PDE1B: variants seen among roughly 807,000 people sequenced by gnomAD.
PDE1B encodes phosphodiesterase 1B.
PDE1B carries 13 observed loss-of-function variants against 66.7 expected under a neutral mutation model. That is an observed-to-expected ratio of 0.19 (90% CI 0.13 to 0.31). PDE1B has a LOEUF of 0.31. Ranked by LOEUF, PDE1B falls within the 10% of genes least tolerant of loss-of-function variation. The pLI is 1.00. For synonymous variants in PDE1B, 230 were observed against 253.9 expected (o/e 0.91, Z 0.90); for missense variants, 485 against 682.3 (o/e 0.71, Z 3.22).
In PDE1B at chr12:54,569,536, T is replaced by C. The variant is rs1196000490; in HGVS notation, c.411-10T>C. 2 of 1,612,012 alleles carry C rather than the reference T, an allele frequency of 1.2e-6. No individual in the cohort carries two copies. The highest frequency in any genetic ancestry group is 8.5e-7 in the Non-Finnish European group (1 of 1,178,164). ...TCATATGTGGGCTTCTTCTCATTGT[T>C]CTCTCTCAGGATGTTCCGGAGAACA... On this transcript the variant is annotated splice_polypyrimidine_tract_variant and intron_variant, in intron 4 of 15. Transcript: ENST00000243052. The surrounding 1 kb of genome is among the most constrained non-coding windows in gnomAD (Gnocchi z 4.4).
intron 6 of PDE1B, chr12:54,570,625 C>T: frequency 2.4e-6 from 1 of 421,492 alleles, no homozygotes; most frequent in Non-Finnish European, 4.4e-6. Context: ...CTTTTTTCCC[C>T]CAACTTGTCC....
intron 6 of PDE1B, chr12:54,572,348 T>C: frequency 3.7e-6 from 2 of 546,372 alleles, no homozygotes; most frequent in Non-Finnish European, 6.6e-6. Context: ...CTTATCTCAT[T>C]AATTTCCAGG....
At chr12:54,550,578 A>G (rs997550074) in intron 2 of PDE1B, among the ~76,000 whole-genome samples, 2 of 149,562 alleles carry the variant, frequency 1.3e-5, no homozygotes, top group African/African-American at 4.9e-5. Context: ...CACTCTATGT[A>G]TTAATGATGA....
chr12:54,565,851 A>C (rs972279857), intron 2 of PDE1B, among the ~76,000 whole-genome samples: 6 of 152,110 alleles, frequency 3.9e-5, no homozygotes, highest in Non-Finnish European at 5.9e-5. Flanking sequence ...CTCCCCCGGC[A>C]TCCCTGGGAA....
In PDE1B at chr12:54,549,863, G is replaced by T. The variant is rs759139335; in HGVS notation, c.-10G>T. On this transcript the variant is annotated 5_prime_UTR_variant, in exon 2 of 16. Coordinates refer to ENST00000243052, the MANE Select transcript of PDE1B (RefSeq NM_000924.4). ...GTCTCCTCCTTCTGTTCCGTAGACCGTGGCTGAGCATGGAGCTGTCCCCCC... is the reference window on the plus strand; with the variant it reads ...GTCTCCTCCTTCTGTTCCGTAGACCTTGGCTGAGCATGGAGCTGTCCCCCC... 1 of 1,606,182 alleles carries T rather than the reference G, an allele frequency of 6.2e-7. No individual in the cohort carries two copies. The highest frequency in any genetic ancestry group is 1.3e-5 in the African/African-American group (1 of 74,722).
intron 15 of PDE1B, 144 bp from the exon 16 acceptor site, chr12:54,577,716 C>T (rs1957788109): frequency 1.7e-6 from 1 of 579,152 alleles, no homozygotes; most frequent in Non-Finnish European, 2.8e-6. Context: ...CCCCTATTCA[C>T]CCCCTTGGCT....
chr12:54,556,861 C>A (rs1286490599), intron 2 of PDE1B, among the ~76,000 whole-genome samples: 2 of 80,774 alleles, frequency 2.5e-5, no homozygotes, highest in Non-Finnish European at 4.7e-5. Context: ...GGGAACTTGG[C>A]TGGTGGGGGG....
At chr12:54,554,201 C>A (rs1428991117) in intron 2 of PDE1B, 1 of 152,094 alleles carries the variant, frequency 6.6e-6, no homozygotes, top group African/African-American at 2.4e-5. Flanking sequence ...CTGGCTTTTG[C>A]CCTCTTTTTG....
chr12:54,556,113 A>G (rs1250824840), intron 2 of PDE1B, among the ~76,000 whole-genome samples: 1 of 152,092 alleles, frequency 6.6e-6, no homozygotes, highest in African/African-American at 2.4e-5. Flanking sequence ...TTGCCTTTGA[A>G]TCTCAAGGGG....
intron 2 of PDE1B, among the ~76,000 whole-genome samples, chr12:54,563,527 T>C (rs1368506545): frequency 1.3e-5 from 2 of 152,194 alleles, no homozygotes; most frequent in Non-Finnish European, 2.9e-5. Context: ...GCTTCCTAAT[T>C]ACCAGCCTCA....
chr12:54,556,349 G>A (rs1957341766), intron 2 of PDE1B, among the ~76,000 whole-genome samples: 1 of 152,108 alleles, frequency 6.6e-6, no homozygotes, highest in Non-Finnish European at 1.5e-5. Context: ...GGCATAGATG[G>A]GAATTGAGCA....
At position 54,575,841 on chromosome 12, in the gene PDE1B, G is replaced by T; in HGVS notation, c.1268-151G>T. 1 of 748,678 alleles carries T rather than the reference G, an allele frequency of 1.3e-6. No individual in the cohort carries two copies. 46.4% of individuals were successfully genotyped at this position (748,678 alleles called of 1,614,324 possible). On this transcript the variant is annotated intron_variant, in intron 12 of 15. Transcript: ENST00000243052. This position sits in a 1 kb window ranked among gnomAD's most constrained non-coding sequence, Gnocchi z 4.0. Reference sequence around the variant, plus strand: ...TGGGGCACCAAGACATCATCCCAAAGCCTGCCCTGCATTGGGAAGTTTTCA... The same window carrying T: ...TGGGGCACCAAGACATCATCCCAAATCCTGCCCTGCATTGGGAAGTTTTCA...
At position 54,575,405 on chromosome 12, in the gene PDE1B, T is replaced by A; in HGVS notation, c.1186-146T>A. ...AATAGTTGCATTTCATTTGCATATA[T>A]TTCATTTGCATATTACTAATTTCCA... On this transcript the variant is annotated intron_variant, in intron 11 of 15. Transcript: ENST00000243052. This position sits in a 1 kb window ranked among gnomAD's most constrained non-coding sequence, Gnocchi z 4.0. 1 of 765,902 alleles carries A rather than the reference T, an allele frequency of 1.3e-6. No individual in the cohort carries two copies. Among genetic ancestry groups the A allele is most frequent in the Non-Finnish European group, 2.3e-6 (1 of 436,294 alleles). 47.4% of individuals were successfully genotyped at this position (765,902 alleles called of 1,614,324 possible).
chr12:54,553,468 A>T (rs571760015), intron 2 of PDE1B, among the ~76,000 whole-genome samples: 4 of 152,330 alleles, frequency 2.6e-5, no homozygotes, highest in Non-Finnish European at 5.9e-5. Flanking sequence ...CAAGGTCATT[A>T]TAGATGAGCT....
At position 54,577,488 on chromosome 12, in the gene PDE1B, G is replaced by A. The variant is rs781219956; in HGVS notation, c.*17+143G>A. The A allele has an allele frequency of 1.5e-5, 24 of 1,595,942 alleles. No individual in the cohort carries two copies. In the Admixed American group the frequency reaches 3.0e-4, roughly 20 times the overall value. Reference sequence around the variant, plus strand: ...GGAGCGAGTGAAGACATAGAATGGAGCCAAAGTGTGGGTGGAGCAGGGAAA... The same window carrying A: ...GGAGCGAGTGAAGACATAGAATGGAACCAAAGTGTGGGTGGAGCAGGGAAA... On this transcript the variant is annotated intron_variant, in intron 15 of 15. Transcript: ENST00000243052.
chr12:54,556,512 A>G (rs547173302), intron 2 of PDE1B, among the ~76,000 whole-genome samples: 219 of 152,290 alleles, frequency 1.4e-3, no homozygotes, highest in African/African-American at 5.0e-3. Context: ...GGTTGCATCT[A>G]TGGAGCTTAT....
chr12:54,575,919 T>C lies in PDE1B; in HGVS notation c.1268-73T>C. On this transcript the variant is annotated intron_variant, in intron 12 of 15. Transcript: ENST00000243052. This position sits in a 1 kb window ranked among gnomAD's most constrained non-coding sequence, Gnocchi z 4.0. ...CATAAGCAGCCAGGGGTCCTGGCCA[T>C]GCCAGCTGCATGCTCTGCCTAGCCC... 1 of 1,133,420 alleles carries C rather than the reference T, an allele frequency of 8.8e-7. No homozygotes were observed. The highest frequency in any genetic ancestry group is 1.3e-6 in the Non-Finnish European group (1 of 744,102). The allele number at this position is 1,133,420 out of a possible 1,614,324, so 70.2% of individuals were successfully genotyped here.
chr12:54,562,988 T>C (rs1415378782), intron 2 of PDE1B, among the ~76,000 whole-genome samples: 15 of 152,206 alleles, frequency 9.9e-5, no homozygotes, highest in Non-Finnish European at 2.2e-4. Context: ...CCTACAACCT[T>C]ACTCTTCTCA....
intron 14 of PDE1B, 113 bp from the exon 15 acceptor site, chr12:54,577,112 G>A: frequency 1.1e-6 from 1 of 931,502 alleles, no homozygotes. Flanking sequence ...ATGTAGTTCA[G>A]CTTGAAGGCA....
Sources: allele counts gnomAD v4.1 joint callset (sites outside exome capture counted in the v4.1 genomes callset), GRCh38; gene constraint gnomAD v4.1.1; non-coding constraint Gnocchi (gnomAD v3.1); transcripts MANE v1.5; gene names NCBI Gene and HGNC (gene_info 2026-07-23, HGNC 2026-07-21).